MTMR14: variants seen among roughly 807,000 people sequenced by gnomAD.
The protein encoded by MTMR14 is myotubularin related protein 14, also known as phosphatidylinositol-3,5-bisphosphate 3-phosphatase MTMR14.
A neutral mutation model predicts 86.3 loss-of-function variants in MTMR14; 48 were observed. That is an observed-to-expected ratio of 0.56 (90% CI 0.44 to 0.71). MTMR14 has a LOEUF of 0.71. Among genes scored for constraint, MTMR14 ranks in the 30% least tolerant of loss-of-function variants. The probability of loss-of-function intolerance (pLI) is 0.00; values close to 1 mark genes in which losing one functional copy is unlikely to be tolerated. For missense variants in MTMR14, 780 were observed against 834.6 expected, an observed-to-expected ratio of 0.93 and a Z score of 0.81; for synonymous variants, 366 against 326.1, an observed-to-expected ratio of 1.12 and a Z score of -1.32.
rs780452403 is a variant in MTMR14, at chr3:9,649,578, T to A, written c.-6T>A. Reference sequence around the variant, plus strand: ...GAGGCACACTGAGGGGACGCGGGGCTGGGCCATGGCCGGCGCTCGGGCCGC... The same window carrying A: ...GAGGCACACTGAGGGGACGCGGGGCAGGGCCATGGCCGGCGCTCGGGCCGC... On this transcript the variant is annotated 5_prime_UTR_variant, in exon 1 of 19. Coordinates refer to ENST00000296003, the MANE Select transcript of MTMR14 (RefSeq NM_001077525.3). 2 of 1,542,624 alleles carry A rather than the reference T, an allele frequency of 1.3e-6. No homozygotes were observed. Among genetic ancestry groups the A allele is most frequent in the East Asian group, 4.9e-5 (2 of 40,798 alleles).
intron 9 of MTMR14, 113 bp from the exon 10 acceptor site, chr3:9,683,065 C>A: frequency 1.1e-6 from 1 of 890,756 alleles, no homozygotes; most frequent in Non-Finnish European, 1.7e-6. Flanking sequence ...TGGTCTGTAA[C>A]CAAGGACCTT....
intron 1 of MTMR14, chr3:9,650,454 C>T (rs978431322): frequency 1.1e-4 from 51 of 446,118 alleles, no homozygotes; most frequent in African/African-American, 7.2e-4. Flanking sequence ...GTTTTGGCAG[C>T]TTTAGCACCA....
chr3:9,652,665 C>G (rs1292664260), intron 1 of MTMR14, among the ~76,000 whole-genome samples: 1 of 150,420 alleles, frequency 6.6e-6, no homozygotes, highest in Non-Finnish European at 1.5e-5. Context: ...CCATTGCACT[C>G]TAGCCTGGGT....
intron 1 of MTMR14, among the ~76,000 whole-genome samples, chr3:9,652,483 T>A (rs936504434): frequency 3.9e-5 from 6 of 152,130 alleles, no homozygotes; most frequent in Non-Finnish European, 7.4e-5. Flanking sequence ...GCCAGTACAC[T>A]GGCTCACGCG....
chr3:9,702,325 C>A lies in MTMR14; in HGVS notation c.*352C>A. 1 of 393,762 alleles carries A rather than the reference C, an allele frequency of 2.5e-6. No individual in the cohort carries two copies. Among genetic ancestry groups the A allele is most frequent in the Non-Finnish European group, 4.8e-6 (1 of 207,194 alleles). The allele number at this position is 393,762 out of a possible 1,614,324, so 24.4% of individuals were successfully genotyped here. Reference sequence around the variant, plus strand: ...GTTCTTGTTTCTGGGGAGGAGGGATCACCTGCACTGAGAATGAGGCAGTTT... The same window carrying A: ...GTTCTTGTTTCTGGGGAGGAGGGATAACCTGCACTGAGAATGAGGCAGTTT... On this transcript the variant is annotated 3_prime_UTR_variant, in exon 19 of 19. Transcript: ENST00000296003.
chr3:9,660,033 T>C (rs1298531771), intron 2 of MTMR14, among the ~76,000 whole-genome samples: 1 of 152,202 alleles, frequency 6.6e-6, no homozygotes, highest in Non-Finnish European at 1.5e-5. Flanking sequence ...TGACCAGATA[T>C]GTGACATCGG....
At chr3:9,680,003 C>T (rs750521161) in intron 9 of MTMR14, among the ~76,000 whole-genome samples, 13 of 152,110 alleles carry the variant, frequency 8.5e-5, no homozygotes, top group African/African-American at 2.7e-4. Context: ...CCTGGGGTGC[C>T]GGTACCCTGT....
intron 13 of MTMR14, 120 bp downstream of exon 13, chr3:9,685,367 C>A (rs1011499507): frequency 4.0e-6 from 5 of 1,240,690 alleles, no homozygotes; most frequent in Non-Finnish European, 5.9e-6. Flanking sequence ...AGGGATGTGG[C>A]CCCCTGTCAT....
rs767868107 is a variant in MTMR14 at position 9,649,794 on chromosome 3, C to T, written c.159+52C>T. Reference sequence around the variant, plus strand: ...GGAAGGCTCCTAACTTGGGAAGTTACAGAGGAAAGGCTGAGGCCAGGGGTC... The same window carrying T: ...GGAAGGCTCCTAACTTGGGAAGTTATAGAGGAAAGGCTGAGGCCAGGGGTC... On this transcript the variant is annotated intron_variant, in intron 1 of 18. Transcript: ENST00000296003. The T allele has an allele frequency of 1.6e-5, 25 of 1,606,642 alleles. No homozygotes were observed. In the South Asian group the frequency reaches 2.8e-4, roughly 18 times the overall value.
At chr3:9,676,818 A>C (rs2075596015) in intron 7 of MTMR14, among the ~76,000 whole-genome samples, 1 of 152,152 alleles carries the variant, frequency 6.6e-6, no homozygotes, top group African/African-American at 2.4e-5. Context: ...ACCGGGTTTT[A>C]GGCACTGTCC....
At chr3:9,695,316 A>G (rs2076251530) in intron 17 of MTMR14, among the ~76,000 whole-genome samples, 1 of 152,156 alleles carries the variant, frequency 6.6e-6, no homozygotes, top group Admixed American at 6.5e-5. Flanking sequence ...CTGAATGGTC[A>G]CTTTGTAGCC....
chr3:9,672,016 G>A (rs995337806), intron 6 of MTMR14, among the ~76,000 whole-genome samples: 1 of 152,080 alleles, frequency 6.6e-6, no homozygotes, highest in African/African-American at 2.4e-5. Context: ...TTCAGAAGTG[G>A]GCTCAGTGAC....
intron 9 of MTMR14, among the ~76,000 whole-genome samples, chr3:9,679,385 G>A (rs1408769351): frequency 6.6e-6 from 1 of 152,194 alleles, no homozygotes; most frequent in East Asian, 1.9e-4. Context: ...CCTTCTTTAT[G>A]TGCTGCATGC....
At chr3:9,690,177 G>A in intron 17 of MTMR14, 34 bp downstream of exon 17, 1 of 1,610,086 alleles carries the variant, frequency 6.2e-7, no homozygotes, top group Admixed American at 1.7e-5. Context: ...TGTTGGAAGT[G>A]CCTAGCTTTC....
chr3:9,682,597 G>A (rs1246053773), intron 9 of MTMR14, among the ~76,000 whole-genome samples: 4 of 152,100 alleles, frequency 2.6e-5, no homozygotes, highest in Non-Finnish European at 4.4e-5. Flanking sequence ...CACCTCATGG[G>A]CCTCCTTTTT....
At chr3:9,693,171 A>G (rs4684652) in intron 17 of MTMR14, among the ~76,000 whole-genome samples, 20,096 of 152,262 alleles carry the variant, frequency 0.13, 1,697 homozygotes, top group African/African-American at 0.24. Context: ...TCAGCCCTCC[A>G]TATCTGTCGT....
intron 3 of MTMR14, among the ~76,000 whole-genome samples, chr3:9,664,769 A>G (rs1425104055): frequency 6.6e-6 from 1 of 152,224 alleles, no homozygotes; most frequent in Non-Finnish European, 1.5e-5. Context: ...TTCTGACAGG[A>G]ACAAGGGGGA....
intron 18 of MTMR14, chr3:9,699,945 G>A (rs1465812533): frequency 6.6e-6 from 1 of 152,272 alleles, no homozygotes; most frequent in African/African-American, 2.4e-5. Context: ...CAGTTGCCAG[G>A]AGAGACTTCA....
Position 9,649,546 on chromosome 3 carries a change from C to G in MTMR14, c.-38C>G, listed in dbSNP as rs1229969405. 6.6e-6 allele frequency: 10 copies of G among 1,519,660 alleles called. No individual in the cohort carries two copies. Among genetic ancestry groups the G allele is most frequent in the Middle Eastern group, 2.3e-4 (1 of 4,262 alleles). 94.1% of individuals were successfully genotyped at this position (1,519,660 alleles called of 1,614,324 possible). On this transcript the variant is annotated 5_prime_UTR_variant, in exon 1 of 19. Coordinates refer to ENST00000296003, the MANE Select transcript of MTMR14 (RefSeq NM_001077525.3). ...GTTGGGTGCAGGCAGGTGCCATGGG[C>G]CCGCTTGAGGCACACTGAGGGGACG... is the stretch of plus-strand genomic sequence containing the variant.
Sources: allele counts gnomAD v4.1 joint callset (sites outside exome capture counted in the v4.1 genomes callset), GRCh38; gene constraint gnomAD v4.1.1; transcripts MANE v1.5; gene names NCBI Gene and HGNC (gene_info 2026-07-23, HGNC 2026-07-21).